Variants in DNAJB12 observed in about 807,000 individuals in gnomAD.
DNAJB12 encodes dnaJ homolog subfamily B member 12.
A neutral mutation model predicts 40.6 loss-of-function variants in DNAJB12; 14 were observed. That is an observed-to-expected ratio of 0.34 (90% CI 0.23 to 0.54). DNAJB12 has a LOEUF of 0.54. DNAJB12 is among the 20% of genes least tolerant of loss of function. DNAJB12 has a pLI of 0.92. For missense variants in DNAJB12, 444 were observed against 501.7 expected (o/e 0.89, Z 1.10); for synonymous variants, 181 against 199.5 (o/e 0.91, Z 0.78).
chr10:72,346,156 A>AT (rs917812123), intron 1 of DNAJB12, among the ~76,000 whole-genome samples: 31 of 151,016 alleles, frequency 2.1e-4, no homozygotes, highest in Non-Finnish European at 3.0e-4. Context: ...ATTTAGAGTT[A>AT]TTTTTTTTTA....
chr10:72,346,147 TTTAGAG>T (rs1861781352), intron 1 of DNAJB12, among the ~76,000 whole-genome samples: 1 of 152,088 alleles, frequency 6.6e-6, no homozygotes, highest in South Asian at 2.1e-4. Context: ...TAGTACTTTA[TTTAGAG>T]TTATTTTTTT....
chr10:72,344,872 G>A (rs1861737669), intron 2 of DNAJB12, 78 bp downstream of exon 2: 1 of 1,545,846 alleles, frequency 6.5e-7, no homozygotes, highest in South Asian at 1.1e-5. Context: ...CAGGCAGATG[G>A]GAGGTGGAGG....
rs746523776 is a variant in DNAJB12, at chr10:72,334,276, G to A, written c.*372C>T. 1.4e-5 allele frequency: 6 copies of A among 429,030 alleles called. No homozygotes were observed. The highest frequency in any genetic ancestry group is 1.3e-3 in the Middle Eastern group (2 of 1,530). The allele number at this position is 429,030 out of a possible 1,614,324, so 26.6% of individuals were successfully genotyped here. The stretch of plus-strand genomic sequence containing the variant: ...TGAGAGGTGGCTGGTGGTGGCTCCT[G>A]TGAGGGAGGAAAGGCAGCTGGGTGC... On this transcript the variant is annotated 3_prime_UTR_variant, in exon 9 of 9. Transcript: ENST00000444643.
At chr10:72,338,334 C>T in intron 5 of DNAJB12, 23 bp from the exon 6 acceptor site, 1 of 1,607,252 alleles carries the variant, frequency 6.2e-7, no homozygotes, top group East Asian at 2.2e-5. Context: ...GCCAATGTCA[C>T]TCTGCTGGAC....
rs1861396741 is a variant in DNAJB12 at position 72,334,117 on chromosome 10, T to C, written c.*531A>G. 6.8e-5 allele frequency: 3 copies of C among 43,902 alleles called. No homozygotes were observed. The highest frequency in any genetic ancestry group is 2.3e-4 in the Admixed American group (1 of 4,360). The allele number at this position is 43,902 out of a possible 1,614,324, so 2.7% of individuals were successfully genotyped here. On this transcript the variant is annotated 3_prime_UTR_variant, in exon 9 of 9. Transcript: ENST00000444643. ...CCTGCAGAGTTTAAAAAGTAGACTA[T>C]ATATATATATATCTTCATATATGCC...
chr10:72,341,683 G>A (rs992795184), intron 3 of DNAJB12, among the ~76,000 whole-genome samples: 1 of 152,048 alleles, frequency 6.6e-6, no homozygotes, highest in East Asian at 1.9e-4. Context: ...AGTTGCCCAG[G>A]CTGGTCTCAA....
chr10:72,338,404 G>T, intron 5 of DNAJB12, 93 bp from the exon 6 acceptor site: 1 of 1,020,010 alleles, frequency 9.8e-7, no homozygotes, highest in Non-Finnish European at 1.5e-6. Context: ...AGTGGAGCCT[G>T]GGGAGACATG....
intron 3 of DNAJB12, 93 bp from the exon 4 acceptor site, chr10:72,341,263 A>C (rs1427370822): frequency 3.1e-6 from 4 of 1,277,258 alleles, no homozygotes; most frequent in Admixed American, 2.1e-5. Context: ...TCAGGTACTC[A>C]AGCAGTGCTT....
At chr10:72,347,722 T>G (rs533887425) in intron 1 of DNAJB12, among the ~76,000 whole-genome samples, 140 of 152,236 alleles carry the variant, frequency 9.2e-4, no homozygotes, top group Non-Finnish European at 1.5e-3. Flanking sequence ...AAGACCAGCC[T>G]GGCCAACATG....
chr10:72,345,798 G>A (rs1280018891), intron 1 of DNAJB12, among the ~76,000 whole-genome samples: 1 of 151,178 alleles, frequency 6.6e-6, no homozygotes, highest in Non-Finnish European at 1.5e-5. Context: ...AGACTTGAGA[G>A]GCTGAGGCAT....
chr10:72,343,718 C>T (rs538068004), intron 2 of DNAJB12, among the ~76,000 whole-genome samples: 7 of 152,076 alleles, frequency 4.6e-5, no homozygotes, highest in Non-Finnish European at 8.8e-5. Context: ...GGCAGGACCA[C>T]GGGAAACAGA....
At chr10:72,353,786 C>T (rs1329760695) in intron 1 of DNAJB12, 1 of 152,198 alleles carries the variant, frequency 6.6e-6, no homozygotes, top group Non-Finnish European at 1.5e-5. Flanking sequence ...GAGGAGGAAA[C>T]CCAAGCTCAG....
In DNAJB12 at chr10:72,335,543, G is replaced by A. The variant is rs1369751212; in HGVS notation, c.*30+237C>T. On this transcript the variant is annotated intron_variant, in intron 8 of 8. Coordinates refer to ENST00000444643, the MANE Select transcript of DNAJB12 (RefSeq NM_017626.7). This position sits in a 1 kb window ranked among gnomAD's most constrained non-coding sequence, Gnocchi z 4.4. ...GGTTCTGGGGTCCCCCACACCCCTG[G>A]AGCCAGGGAGCAGAGCGGAGGAGTG... 1 of 1,273,906 alleles carries A rather than the reference G, an allele frequency of 7.8e-7. No homozygotes were observed. Among genetic ancestry groups the A allele is most frequent in the Non-Finnish European group, 1.0e-6 (1 of 1,001,552 alleles). The allele number at this position is 1,273,906 out of a possible 1,614,324, so 78.9% of individuals were successfully genotyped here.
At chr10:72,346,330 ATT>A (rs965588361) in intron 1 of DNAJB12, among the ~76,000 whole-genome samples, 1 of 133,914 alleles carries the variant, frequency 7.5e-6, no homozygotes. Flanking sequence ...CGCCTGGCTA[ATT>A]TTTTTTTTTT....
At chr10:72,336,425 T>G (rs1861475221) in intron 7 of DNAJB12, 99 bp downstream of exon 7, 1 of 1,349,126 alleles carries the variant, frequency 7.4e-7, no homozygotes. Flanking sequence ...GGCTGGGCCC[T>G]CAGAGCACAG....
chr10:72,351,552 A>AG (rs1391814155), intron 1 of DNAJB12, among the ~76,000 whole-genome samples: 1 of 152,186 alleles, frequency 6.6e-6, no homozygotes, highest in Non-Finnish European at 1.5e-5. Flanking sequence ...GGCATCACAC[A>AG]GGGCTGCTCA....
At chr10:72,351,840 A>G (rs907572616) in intron 1 of DNAJB12, among the ~76,000 whole-genome samples, 1 of 152,230 alleles carries the variant, frequency 6.6e-6, no homozygotes, top group Non-Finnish European at 1.5e-5. Flanking sequence ...CCAGGCTGAC[A>G]GCTCCTTTGG....
At chr10:72,334,845 G>A in intron 8 of DNAJB12, 1 of 1,345,732 alleles carries the variant, frequency 7.4e-7, no homozygotes, top group East Asian at 3.1e-5. Flanking sequence ...CACAGGCAAA[G>A]GAGGGGGTGG....
At chr10:72,347,636 C>G (rs1001902614) in intron 1 of DNAJB12, among the ~76,000 whole-genome samples, 1 of 152,262 alleles carries the variant, frequency 6.6e-6, no homozygotes, top group Non-Finnish European at 1.5e-5. Context: ...CCAAGCCCGG[C>G]TGGGCGCTGT....
Sources: gnomAD v4.1 joint callset for allele counts (sites outside exome capture counted in the v4.1 genomes callset) on GRCh38, gnomAD v4.1.1 for gene constraint, Gnocchi (gnomAD v3.1) non-coding constraint, MANE v1.5 for transcripts, NCBI Gene and HGNC (gene_info 2026-07-23, HGNC 2026-07-21) for gene names.